The following ZBTB20 variants were observed in gnomAD, a reference collection of about 807,000 sequenced individuals.
ZBTB20 encodes the protein zinc finger and BTB domain containing 20.
ZBTB20 carries 9 observed loss-of-function variants against 56.9 expected under a neutral mutation model. The ratio of observed to expected loss-of-function variants is 0.16; its 90% CI spans 0.10 to 0.28. The LOEUF (loss-of-function observed/expected upper bound fraction) is 0.28, where lower values mean the gene tolerates loss of function less well. ZBTB20 is among the 10% of genes least tolerant of loss of function. ZBTB20 has a pLI of 1.00. For missense variants in ZBTB20, 655 were observed against 1,003.0 expected (o/e 0.65, Z 4.69); for synonymous variants, 417 against 420.7 (o/e 0.99, Z 0.11).
At chr3:114,974,934 T>C (rs534739964) in intron 2 of ZBTB20, among the ~76,000 whole-genome samples, 43 of 151,876 alleles carry the variant, frequency 2.8e-4, no homozygotes, top group African/African-American at 9.9e-4. Flanking sequence ...AAAAAGAAAA[T>C]GGGTGGAAAG....
intron 4 of ZBTB20, among the ~76,000 whole-genome samples, chr3:114,858,373 G>T (rs986716001): frequency 6.6e-6 from 1 of 152,110 alleles, no homozygotes; most frequent in African/African-American, 2.4e-5. Flanking sequence ...AAAACAAGAA[G>T]CTCTAGATAA....
intron 1 of ZBTB20, among the ~76,000 whole-genome samples, chr3:115,104,318 A>T (rs2108612554): frequency 6.6e-6 from 1 of 152,302 alleles, no homozygotes; most frequent in African/African-American, 2.4e-5. Flanking sequence ...AAACACATAT[A>T]CAATCCAGCA....
chr3:114,715,571 T>C (rs2064415091), intron 5 of ZBTB20, among the ~76,000 whole-genome samples: 1 of 152,192 alleles, frequency 6.6e-6, no homozygotes, highest in African/African-American at 2.4e-5. Flanking sequence ...GGTAAAAGTG[T>C]AGGCTTAGAC....
chr3:114,545,250 T>C (rs2049735110), intron 6 of ZBTB20, among the ~76,000 whole-genome samples: 1 of 152,232 alleles, frequency 6.6e-6, no homozygotes, highest in South Asian at 2.1e-4. Flanking sequence ...AAAGAGCTGC[T>C]AGTACTTTTA....
intron 1 of ZBTB20, among the ~76,000 whole-genome samples, chr3:115,118,644 G>A (rs1172990899): frequency 6.8e-6 from 1 of 146,176 alleles, no homozygotes; most frequent in African/African-American, 2.5e-5. Context: ...GTCTAAATAA[G>A]AGCATATTCA....
At chr3:114,939,899 C>T (rs1259688258) in intron 3 of ZBTB20, among the ~76,000 whole-genome samples, 2 of 146,014 alleles carry the variant, frequency 1.4e-5, no homozygotes, top group Middle Eastern at 3.2e-3. Flanking sequence ...AGCTTCATGG[C>T]TCCAACATAA....
rs551689807 is a variant in ZBTB20, at chr3:114,828,085, T to G, written c.-416-26911A>C. On this transcript the variant is annotated intron_variant, in intron 4 of 11. Transcript: ENST00000675478. ...GCAAATATATGTTTTACAAACATAT[T>G]TTAATCTTATAATAGGTTCATAATT... Among the ~76,000 whole-genome samples the G allele has an allele frequency of 1.1e-4, 17 of 151,890 alleles. No homozygotes were observed. In the East Asian group the frequency reaches 3.1e-3, roughly 28 times the overall value.
At chr3:114,982,844 T>C (rs1030373181) in intron 2 of ZBTB20, among the ~76,000 whole-genome samples, 4 of 152,034 alleles carry the variant, frequency 2.6e-5, no homozygotes, top group African/African-American at 7.2e-5. Flanking sequence ...ATTAGACCTA[T>C]AGACTTTTAT....
chr3:115,039,693 T>TA (rs2081065234), intron 2 of ZBTB20, among the ~76,000 whole-genome samples: 1 of 152,098 alleles, frequency 6.6e-6, no homozygotes, highest in Admixed American at 6.6e-5. Flanking sequence ...AGCAAAGTAT[T>TA]AAAAAGTTGT....
At chr3:114,970,267 T>A (rs554310189) in intron 3 of ZBTB20, among the ~76,000 whole-genome samples, 67 of 152,356 alleles carry the variant, frequency 4.4e-4, no homozygotes, top group Non-Finnish European at 6.6e-4. Flanking sequence ...TACAAAGGTA[T>A]GTTGAGTGGT....
At chr3:114,907,660 A>G (rs2075372233) in intron 3 of ZBTB20, among the ~76,000 whole-genome samples, 1 of 151,812 alleles carries the variant, frequency 6.6e-6, no homozygotes. Context: ...AATCTGGTTT[A>G]TTTTCTTTCT....
At chr3:114,874,777 T>C (rs908141693) in intron 4 of ZBTB20, among the ~76,000 whole-genome samples, 1 of 152,202 alleles carries the variant, frequency 6.6e-6, no homozygotes, top group African/African-American at 2.4e-5. Flanking sequence ...TAGATTCTAC[T>C]TCCTTTACTG....
At chr3:114,408,577 T>C (rs2087572650) in intron 7 of ZBTB20, among the ~76,000 whole-genome samples, 1 of 152,076 alleles carries the variant, frequency 6.6e-6, no homozygotes, top group East Asian at 1.9e-4. Context: ...TTAAATTCCA[T>C]AGAAGACTAA....
At chr3:114,669,246 T>C (rs11711887) in intron 6 of ZBTB20, among the ~76,000 whole-genome samples, 8,903 of 152,158 alleles carry the variant, frequency 0.059, 347 homozygotes, top group Middle Eastern at 0.15. Context: ...CAAAGTATCA[T>C]AGTGCCACTG....
chr3:114,679,192 C>T (rs2061816752), intron 6 of ZBTB20, among the ~76,000 whole-genome samples: 1 of 152,064 alleles, frequency 6.6e-6, no homozygotes, highest in African/African-American at 2.4e-5. Flanking sequence ...AGAAGAAAAC[C>T]TAGGCAATAC....
chr3:114,371,455 G>T (rs1461987016), intron 10 of ZBTB20, among the ~76,000 whole-genome samples: 1 of 151,728 alleles, frequency 6.6e-6, no homozygotes, highest in Non-Finnish European at 1.5e-5. Context: ...CTCTGTGTAT[G>T]GGGACATATC....
rs551268747 is a variant in ZBTB20, at chr3:114,324,224, T to C, written c.*14781A>G. On this transcript the variant is annotated 3_prime_UTR_variant, in exon 12 of 12. Coordinates refer to ENST00000675478, the MANE Select transcript of ZBTB20 (RefSeq NM_001348800.3). ...AGAAGAGGAAAACAGCTATTTAATGTAAAGGTCAGTAGTGGTTTTTACTTA... is the reference window on the plus strand; with the variant it reads ...AGAAGAGGAAAACAGCTATTTAATGCAAAGGTCAGTAGTGGTTTTTACTTA... 6.6e-6 allele frequency: 1 copy of C among 152,312 alleles called. No homozygotes were observed. Among genetic ancestry groups the C allele is most frequent in the East Asian group, 1.9e-4 (1 of 5,192 alleles). 9.4% of individuals were successfully genotyped at this position (152,312 alleles called of 1,614,324 possible). A position where few individuals can be genotyped will look rare whatever the true frequency, so the allele number is the denominator to read the frequency against.
chr3:115,144,135 T>C (rs2084898676), intron 1 of ZBTB20, among the ~76,000 whole-genome samples: 1 of 152,184 alleles, frequency 6.6e-6, no homozygotes. Flanking sequence ...CCCATCAATC[T>C]CTACTTCCGT....
At chr3:114,639,496 T>C (rs1037303453) in intron 6 of ZBTB20, among the ~76,000 whole-genome samples, 9 of 154 alleles carry the variant, frequency 0.058, no homozygotes, top group Non-Finnish European at 0.083. Context: ...TCCTAGAGAT[T>C]TTTTTTTACC....
Sources: gnomAD v4.1 joint callset for allele counts (sites outside exome capture counted in the v4.1 genomes callset) on GRCh38, gnomAD v4.1.1 for gene constraint, MANE v1.5 for transcripts, NCBI Gene and HGNC (gene_info 2026-07-23, HGNC 2026-07-21) for gene names.